The following GLIS3 variants were observed in gnomAD, a reference collection of about 807,000 sequenced individuals.
The protein encoded by GLIS3 is GLIS family zinc finger 3.
Under a neutral mutation model 78.6 loss-of-function variants are expected in GLIS3, and 53 were observed. That is an observed-to-expected ratio of 0.67 (90% confidence interval 0.54 to 0.85). The LOEUF is 0.85. GLIS3 is among the 40% of genes least tolerant of loss of function. GLIS3 has a pLI of 0.00. For missense variants in GLIS3, 1,703 were observed against 1,231.1 expected, an observed-to-expected ratio of 1.38 and a Z score of -5.74; for synonymous variants, 684 against 509.9, an observed-to-expected ratio of 1.34 and a Z score of -4.60.
chr9:4,264,425 C>A (rs4111491), intron 2 of GLIS3, among the ~76,000 whole-genome samples: 31,901 of 152,156 alleles, frequency 0.21, 3,860 homozygotes, highest in South Asian at 0.44. Context: ...AATATGGTAA[C>A]ACGATGTCCT....
At chr9:3,857,580 C>G (rs1166186578) in intron 8 of GLIS3, among the ~76,000 whole-genome samples, 1 of 152,152 alleles carries the variant, frequency 6.6e-6, no homozygotes, top group Non-Finnish European at 1.5e-5. Flanking sequence ...AGGAGTAGGA[C>G]TCGCTAACCT....
chr9:4,015,361 G>T (rs948955587), intron 4 of GLIS3, among the ~76,000 whole-genome samples: 3 of 152,098 alleles, frequency 2.0e-5, no homozygotes, highest in African/African-American at 7.2e-5. Flanking sequence ...CAATGTCATG[G>T]TTCTTTCACA....
At chr9:4,107,161 T>A (rs73392586) in intron 4 of GLIS3, among the ~76,000 whole-genome samples, 3,932 of 152,236 alleles carry the variant, frequency 0.026, 187 homozygotes, top group African/African-American at 0.091. Context: ...AAGATCAAGA[T>A]TGAAATGTGT....
At chr9:4,435,831 C>T in the GLIS3 span, among the ~76,000 whole-genome samples, 3 of 152,276 alleles carry the variant, frequency 2.0e-5, no homozygotes, top group East Asian at 5.8e-4. Flanking sequence ...CTCCTGTAGT[C>T]CCAGCTACTT....
chr9:4,142,253 A>G (rs1206989460), intron 2 of GLIS3, among the ~76,000 whole-genome samples: 1 of 152,266 alleles, frequency 6.6e-6, no homozygotes, highest in Non-Finnish European at 1.5e-5. Context: ...TTTGAATGCT[A>G]AAGCTGAGAA....
chr9:4,091,748 C>T (rs1212687250), intron 4 of GLIS3, among the ~76,000 whole-genome samples: 2 of 152,142 alleles, frequency 1.3e-5, no homozygotes, highest in East Asian at 3.9e-4. Context: ...TTGTCAGTTT[C>T]CTGAGGCTTC....
chr9:4,286,649 G>A (rs1401649773), intron 1 of GLIS3, 126 bp from the exon 2 acceptor site: 8 of 591,822 alleles, frequency 1.4e-5, no homozygotes, highest in African/African-American at 1.1e-4. Context: ...GGCCTTTTAT[G>A]TAGAAAAGGG....
At chr9:4,434,675 C>T in the GLIS3 span, among the ~76,000 whole-genome samples, 3 of 152,288 alleles carry the variant, frequency 2.0e-5, no homozygotes, top group Admixed American at 1.3e-4. Context: ...TCCCCTCAAT[C>T]CAGATGTAAG....
rs114407552 is a variant in GLIS3 at position 3,905,089 on chromosome 9, C to T, written c.1984-6254G>A. 5.9e-3 allele frequency among the ~76,000 whole-genome samples: 898 copies of T among 151,718 alleles called. 8 individuals carry two copies. Among genetic ancestry groups the T allele is most frequent in the African/African-American group, 0.02 (844 of 41,360 alleles). ...CCAGGTTCATGCCATTCTCCTGCCT[C>T]AGCCTCCCGAGTAGCTGGGACTATA... On this transcript the variant is annotated intron_variant, in intron 6 of 10. Coordinates refer to ENST00000381971, the MANE Select transcript of GLIS3 (RefSeq NM_001042413.2).
intron 8 of GLIS3, among the ~76,000 whole-genome samples, chr9:3,867,637 T>C (rs892309191): frequency 2.0e-5 from 3 of 152,204 alleles, no homozygotes; most frequent in Non-Finnish European, 2.9e-5. Flanking sequence ...TTTTCAAAAA[T>C]AGGATATCAG....
At chr9:4,469,088 A>G in the GLIS3 span, among the ~76,000 whole-genome samples, 1 of 152,218 alleles carries the variant, frequency 6.6e-6, no homozygotes, top group Non-Finnish European at 1.5e-5. Flanking sequence ...AGAGCTAACT[A>G]TCCTAAATAT....
chr9:4,082,004 C>G (rs986896515), intron 4 of GLIS3, among the ~76,000 whole-genome samples: 2 of 152,178 alleles, frequency 1.3e-5, no homozygotes, highest in African/African-American at 4.8e-5. Flanking sequence ...ATAATCTAAA[C>G]ATAAACAAAC....
intron 6 of GLIS3, among the ~76,000 whole-genome samples, chr9:3,908,341 C>A (rs1257457741): frequency 6.6e-6 from 1 of 152,162 alleles, no homozygotes; most frequent in Non-Finnish European, 1.5e-5. Flanking sequence ...ATTAGAATTG[C>A]TTGAATCCTT....
intron 4 of GLIS3, among the ~76,000 whole-genome samples, chr9:4,033,223 C>T (rs1824001400): frequency 6.6e-6 from 1 of 151,552 alleles, no homozygotes; most frequent in Non-Finnish European, 1.5e-5. Flanking sequence ...GCTTCCCACA[C>T]CTGACTTGAC....
intron 8 of GLIS3, among the ~76,000 whole-genome samples, chr9:3,862,038 C>T (rs1050106661): frequency 2.6e-5 from 4 of 152,086 alleles, no homozygotes; most frequent in African/African-American, 9.7e-5. Flanking sequence ...GTGTATAGGT[C>T]TCATATCTTG....
intron 4 of GLIS3, chr9:4,071,041 A>G (rs950102298): frequency 7.2e-5 from 11 of 152,134 alleles, no homozygotes; most frequent in African/African-American, 2.4e-4. Flanking sequence ...TGATGCTTTG[A>G]CCAATGTTAT....
chr9:3,969,572 T>C (rs899009978), intron 4 of GLIS3, among the ~76,000 whole-genome samples: 1 of 152,178 alleles, frequency 6.6e-6, no homozygotes, highest in Non-Finnish European at 1.5e-5. Context: ...CATGAAGTGA[T>C]TGTTGTTTAT....
At chr9:3,838,093 G>C (rs904820441) in intron 9 of GLIS3, among the ~76,000 whole-genome samples, 4 of 151,980 alleles carry the variant, frequency 2.6e-5, no homozygotes, top group African/African-American at 9.7e-5. Context: ...TAAATGGGTG[G>C]GCATGTATCT....
At chr9:3,926,822 G>A (rs1318070854) in intron 6 of GLIS3, among the ~76,000 whole-genome samples, 1 of 151,292 alleles carries the variant, frequency 6.6e-6, no homozygotes, top group Non-Finnish European at 1.5e-5. Context: ...ATGGGGATTC[G>A]TCATGTTGGC....
Sources: allele counts gnomAD v4.1 joint callset (sites outside exome capture counted in the v4.1 genomes callset), GRCh38; gene constraint gnomAD v4.1.1; transcripts MANE v1.5; gene names NCBI Gene and HGNC (gene_info 2026-07-23, HGNC 2026-07-21).